Variants in CCL17 observed in about 807,000 individuals in gnomAD.
CCL17 encodes C-C motif chemokine 17.
A neutral mutation model predicts 7.4 loss-of-function variants in CCL17; 8 were observed. The observed-to-expected ratio is 1.09, with a 90% CI of 0.64 to 1.96. The LOEUF (loss-of-function observed/expected upper bound fraction) is 1.96. Ranked by LOEUF, CCL17 falls within the 30% of genes most tolerant of loss-of-function variation. CCL17 has a pLI of 0.00. For synonymous variants in CCL17, 40 were observed against 46.1 expected (o/e 0.87, Z 0.54); for missense variants, 102 against 113.0 (o/e 0.90, Z 0.44).
chr16:57,403,603 A>T (rs1304374799), upstream of CCL17, among the ~76,000 whole-genome samples: 1 of 67,792 alleles, frequency 1.5e-5, no homozygotes, highest in African/African-American at 5.7e-5. Flanking sequence ...TTTATAATAT[A>T]TATAATATAT....
chr16:57,413,952 T>C lies in CCL17; in HGVS notation c.20T>C (p.Leu7Pro). 1 of 1,609,972 alleles carries C rather than the reference T, an allele frequency of 6.2e-7. No individual in the cohort carries two copies. The highest frequency in any genetic ancestry group is 1.1e-5 in the South Asian group (1 of 89,918). The change falls in exon 2 of 4, where the codon CTG becomes CCG. Residue 7 changes from leucine to proline, a missense_variant. Coordinates refer to ENST00000219244, the MANE Select transcript of CCL17 (RefSeq NM_002987.3). ...GGCACCATGGCCCCACTGAAGATGC[T>C]GGCCCTGGTCACCCTCCTCCTGGGG... MAPLKM[L>P]ALVTLLLGAS...
At position 57,415,117 on chromosome 16, in the gene CCL17, A is replaced by C. The variant is rs1448134266; in HGVS notation, c.107A>C (p.Glu36Ala). ...GTNVGRECCL[E>A]YFKGAIPLRK... ...AATGTGGGCCGGGAGTGCTGCCTGG[A>C]GTACTTCAAGGGAGCCATTCCCCTT... The change falls in exon 3 of 4, where the codon GAG becomes GCG. Residue 36 changes from glutamate to alanine, a missense_variant. By Grantham distance (107) the Glu-to-Ala change is moderately radical. Transcript: ENST00000219244. This position sits in a 1 kb window ranked among gnomAD's most constrained non-coding sequence, Gnocchi z 4.5. 3 of 1,613,840 alleles carry C rather than the reference A, an allele frequency of 1.9e-6. No individual in the cohort carries two copies. The highest frequency in any genetic ancestry group is 2.5e-6 in the Non-Finnish European group (3 of 1,179,886).
intron 1 of CCL17, among the ~76,000 whole-genome samples, chr16:57,408,717 C>T (rs1380003631): frequency 1.4e-4 from 21 of 146,638 alleles, no homozygotes; most frequent in Non-Finnish European, 2.4e-4. Flanking sequence ...TACAGGCACA[C>T]GCCACCACAC....
intron 2 of CCL17, among the ~76,000 whole-genome samples, chr16:57,414,698 G>GA (rs769433326): frequency 2.0e-5 from 3 of 151,872 alleles, no homozygotes; most frequent in Admixed American, 6.6e-5. Context: ...CGCCCAGACT[G>GA]AAAAAAGAGA....
At chr16:57,411,952 C>T (rs1240189445) in intron 1 of CCL17, among the ~76,000 whole-genome samples, 2 of 152,134 alleles carry the variant, frequency 1.3e-5, no homozygotes, top group African/African-American at 4.8e-5. Flanking sequence ...TCTGCACGTG[C>T]AAATGGAAGA....
upstream of CCL17, among the ~76,000 whole-genome samples, chr16:57,403,995 G>A (rs1035348687): frequency 6.6e-6 from 1 of 152,054 alleles, no homozygotes; most frequent in Non-Finnish European, 1.5e-5. Flanking sequence ...GAGTCCTGCA[G>A]GTATCTGGGG....
chr16:57,396,932 A>C, the CCL17 span, among the ~76,000 whole-genome samples: 1 of 152,170 alleles, frequency 6.6e-6, no homozygotes, highest in African/African-American at 2.4e-5. Flanking sequence ...TTGGAAATGT[A>C]AGAGTGTAAA....
At chr16:57,409,390 A>T (rs1166521319) in intron 1 of CCL17, among the ~76,000 whole-genome samples, 1 of 152,204 alleles carries the variant, frequency 6.6e-6, no homozygotes, top group Non-Finnish European at 1.5e-5. Flanking sequence ...ATAGTGGGTG[A>T]TGGAGCTGGA....
At chr16:57,400,694 C>T (rs1296752279), upstream of CCL17, among the ~76,000 whole-genome samples, 1 of 152,170 alleles carries the variant, frequency 6.6e-6, no homozygotes, top group African/African-American at 2.4e-5. Flanking sequence ...CCGGGCCGGG[C>T]ACAATGGCTC....
At chr16:57,408,571 G>A (rs533934388) in intron 1 of CCL17, among the ~76,000 whole-genome samples, 20 of 136,212 alleles carry the variant, frequency 1.5e-4, no homozygotes, top group African/African-American at 7.3e-4. Context: ...GTAACACCTG[G>A]CTATTTTTTT....
intron 2 of CCL17, among the ~76,000 whole-genome samples, chr16:57,414,688 C>T (rs1902839907): frequency 6.6e-6 from 1 of 152,040 alleles, no homozygotes; most frequent in East Asian, 1.9e-4. Context: ...TGAGCCACGG[C>T]GCCCAGACTG....
intron 1 of CCL17, among the ~76,000 whole-genome samples, chr16:57,408,096 T>TATCCATTCATCTACCCATCCATCTATCC (rs1223152555): frequency 6.7e-6 from 1 of 149,242 alleles, no homozygotes; most frequent in Non-Finnish European, 1.5e-5. Context: ...CCCATCCATT[T>TATCCATTCATCTACCCATCCATCTATCC]ATCCATTCAT....
the CCL17 span, among the ~76,000 whole-genome samples, chr16:57,396,782 ACT>A: frequency 0.042 from 6,457 of 152,258 alleles, 185 homozygotes; most frequent in Middle Eastern, 0.085. Flanking sequence ...GTGTAATTAC[ACT>A]GATGGGATAG....
chr16:57,399,618 T>A, the CCL17 span, among the ~76,000 whole-genome samples: 2 of 152,096 alleles, frequency 1.3e-5, no homozygotes, highest in Non-Finnish European at 2.9e-5. Flanking sequence ...GCCCAGCTAA[T>A]TTTTTATTTT....
chr16:57,397,746 C>T, the CCL17 span, among the ~76,000 whole-genome samples: 2 of 152,170 alleles, frequency 1.3e-5, no homozygotes, highest in Non-Finnish European at 2.9e-5. Flanking sequence ...TATCTGTGTA[C>T]ACATTTATTC....
At chr16:57,404,702 T>G (rs1902669008), upstream of CCL17, 1 of 154,198 alleles carries the variant, frequency 6.5e-6, no homozygotes, top group Admixed American at 6.5e-5. Flanking sequence ...AGGCAGTTGA[T>G]GCAAACCAAA....
chr16:57,402,658 T>C (rs562003812), upstream of CCL17, among the ~76,000 whole-genome samples: 13 of 152,102 alleles, frequency 8.5e-5, no homozygotes, highest in East Asian at 2.5e-3. Context: ...ACTCTAGCAA[T>C]GAATAAAAGG....
In CCL17 at chr16:57,415,183, C is replaced by T; in HGVS notation, c.173C>T (p.Ser58Phe). The change falls in exon 3 of 4, where the codon TCC becomes TTC. Residue 58 changes from serine (S) to phenylalanine (F), a missense_variant. Physicochemically the swap from Ser to Phe is radical, Grantham distance 155. Transcript: ENST00000219244. This position sits in a 1 kb window ranked among gnomAD's most constrained non-coding sequence, Gnocchi z 4.5. ...TGGTACCAGACATCTGAGGACTGCT[C>T]CAGGGATGCCATCGTGTAAGTCCCC... ...KTWYQTSEDC[S>F]RDAIVFVTVQ... The T allele has an allele frequency of 6.2e-7, 1 of 1,608,372 alleles. No individual in the cohort carries two copies. Among genetic ancestry groups the T allele is most frequent in the South Asian group, 1.1e-5 (1 of 90,964 alleles).
Position 57,415,321 on chromosome 16 carries a change from C to T in CCL17, c.188+123C>T. ...ACAGCGGGGCCTTCCTCCCCAACCC[C>T]TGCAGGCTCCCCACACTGTGGGACC... On this transcript the variant is annotated intron_variant, in intron 3 of 3. Transcript: ENST00000219244. The surrounding 1 kb of genome is among the most constrained non-coding windows in gnomAD (Gnocchi z 4.5). 1 of 703,322 alleles carries T rather than the reference C, an allele frequency of 1.4e-6. No homozygotes were observed. The allele number at this position is 703,322 out of a possible 1,614,324, so 43.6% of individuals were successfully genotyped here.
Sources: gnomAD v4.1 joint callset for allele counts (sites outside exome capture counted in the v4.1 genomes callset) on GRCh38, gnomAD v4.1.1 for gene constraint, Gnocchi (gnomAD v3.1) non-coding constraint, MANE v1.5 for transcripts, NCBI Gene and HGNC (gene_info 2026-07-23, HGNC 2026-07-21) for gene names.